The following AP2A2 variants were observed in gnomAD, a reference collection of about 807,000 sequenced individuals.
AP2A2 encodes the protein adaptor related protein complex 2 subunit alpha 2.
A neutral mutation model predicts 104.2 loss-of-function variants in AP2A2; 32 were observed. The observed-to-expected ratio is 0.31, with a 90% CI of 0.23 to 0.41. AP2A2 has a LOEUF of 0.41. Among genes scored for constraint, AP2A2 ranks in the 10% least tolerant of loss-of-function variants. The pLI is 1.00. For missense variants in AP2A2, 912 were observed against 1,261.0 expected (o/e 0.72, Z 4.19); for synonymous variants, 539 against 533.3 (o/e 1.01, Z -0.15).
Position 992,379 on chromosome 11 carries a change from G to A in AP2A2, c.1270-124G>A. On this transcript the variant is annotated intron_variant, in intron 10 of 21. Transcript: ENST00000448903. The surrounding 1 kb of genome is among the most constrained non-coding windows in gnomAD (Gnocchi z 6.4). Reference sequence around the variant, plus strand: ...AGAATCGAGTTCAAGCTTCCTCCATGTCCCAAACTTTTGTAGACACATTGA... The same window carrying A: ...AGAATCGAGTTCAAGCTTCCTCCATATCCCAAACTTTTGTAGACACATTGA... 4.0e-6 allele frequency: 4 copies of A among 990,744 alleles called. No individual in the cohort carries two copies. The highest frequency in any genetic ancestry group is 6.1e-6 in the Non-Finnish European group (4 of 653,862). 61.4% of individuals were successfully genotyped at this position (990,744 alleles called of 1,614,324 possible). A position where few individuals can be genotyped will look rare whatever the true frequency, so the allele number is the denominator to read the frequency against.
chr11:1,010,709 C>T lies in AP2A2; in HGVS notation c.*84C>T, dbSNP rs909729144. 4.4e-6 allele frequency: 5 copies of T among 1,148,928 alleles called. No individual in the cohort carries two copies. The highest frequency in any genetic ancestry group is 6.4e-6 in the Non-Finnish European group (5 of 782,026). The allele number at this position is 1,148,928 out of a possible 1,614,324, so 71.2% of individuals were successfully genotyped here. On this transcript the variant is annotated 3_prime_UTR_variant, in exon 22 of 22. Transcript: ENST00000448903. The stretch of plus-strand genomic sequence containing the variant: ...TCTTCGTGGCCATCCTGCAGATGAG[C>T]ACCGTGTCCAGTGCCACAGCACAAG...
At chr11:930,544 G>T (rs923849050) in intron 1 of AP2A2, among the ~76,000 whole-genome samples, 1 of 150,328 alleles carries the variant, frequency 6.7e-6, no homozygotes, top group African/African-American at 2.5e-5. Context: ...TTTTTGAGAC[G>T]GAGTTGCGCT....
intron 2 of AP2A2, among the ~76,000 whole-genome samples, chr11:967,729 A>C (rs1377716761): frequency 6.6e-6 from 1 of 152,132 alleles, no homozygotes; most frequent in East Asian, 1.9e-4. Context: ...GTCTGAGACC[A>C]CAAGACAAGC....
chr11:1,001,697 G>A (rs2133772427), intron 15 of AP2A2, among the ~76,000 whole-genome samples: 1 of 152,226 alleles, frequency 6.6e-6, no homozygotes, highest in East Asian at 1.9e-4. Context: ...CTCTGGTGGT[G>A]GCTGCTCCTC....
intron 16 of AP2A2, 37 bp from the exon 17 acceptor site, chr11:1,006,491 A>G: frequency 7.0e-7 from 1 of 1,420,660 alleles, no homozygotes; most frequent in East Asian, 2.3e-5. Flanking sequence ...TAAGTGTGAA[A>G]TGGTGTGTGT....
chr11:966,064 A>C (rs1369360296), intron 2 of AP2A2, among the ~76,000 whole-genome samples: 1 of 152,158 alleles, frequency 6.6e-6, no homozygotes, highest in African/African-American at 2.4e-5. Context: ...TCACAAATTC[A>C]TGGCCTCAGG....
At position 992,827 on chromosome 11, in the gene AP2A2, A is replaced by G; in HGVS notation, c.1452+142A>G. On this transcript the variant is annotated intron_variant, in intron 11 of 21. Transcript: ENST00000448903. This position sits in a 1 kb window ranked among gnomAD's most constrained non-coding sequence, Gnocchi z 6.4. ...CCCCTCAGCTCTTCCCTGAGGCTCT[A>G]GCTCCTCCACTGTTGGTGCCCCTTG... 1.2e-6 allele frequency: 1 copy of G among 848,434 alleles called. No individual in the cohort carries two copies. Among genetic ancestry groups the G allele is most frequent in the Non-Finnish European group, 1.9e-6 (1 of 530,878 alleles). 52.6% of individuals were successfully genotyped at this position (848,434 alleles called of 1,614,324 possible). A position where few individuals can be genotyped will look rare whatever the true frequency, so the allele number is the denominator to read the frequency against.
chr11:941,007 A>C, intron 1 of AP2A2: 2 of 436,724 alleles, frequency 4.6e-6, no homozygotes, highest in South Asian at 1.6e-5. Flanking sequence ...CTTGCTCCAC[A>C]CTCCGTGGAG....
intron 2 of AP2A2, among the ~76,000 whole-genome samples, chr11:962,089 G>A (rs1854461421): frequency 6.6e-6 from 1 of 152,256 alleles, no homozygotes; most frequent in African/African-American, 2.4e-5. Context: ...GCTGGAGGTG[G>A]TGGCACTGGG....
chr11:951,681 C>T (rs778391402), intron 1 of AP2A2, among the ~76,000 whole-genome samples: 5 of 152,140 alleles, frequency 3.3e-5, no homozygotes, highest in Admixed American at 2.0e-4. Context: ...AGGCAGGTTG[C>T]GGTTAAGTTG....
At chr11:948,195 A>C (rs1397772102) in intron 1 of AP2A2, among the ~76,000 whole-genome samples, 4 of 152,218 alleles carry the variant, frequency 2.6e-5, no homozygotes, top group Non-Finnish European at 5.9e-5. Flanking sequence ...AAGATCATCA[A>C]AATTGGCAAA....
chr11:1,009,277 G>A lies in AP2A2; in HGVS notation c.2538-51G>A, dbSNP rs965987653. 9.3e-6 allele frequency: 15 copies of A among 1,610,330 alleles called. No homozygotes were observed. The African/African-American group carries it at 1.5e-4, about 16-fold the overall frequency. On this transcript the variant is annotated intron_variant, in intron 19 of 21. Coordinates refer to ENST00000448903, the MANE Select transcript of AP2A2 (RefSeq NM_012305.4). Reference sequence around the variant, plus strand: ...GGACGGGGCTCATTTGAAAAGGTGGGTTTTGGTCTCTGGCCTGGCTGAGAA... The same window carrying A: ...GGACGGGGCTCATTTGAAAAGGTGGATTTTGGTCTCTGGCCTGGCTGAGAA...
intron 4 of AP2A2, among the ~76,000 whole-genome samples, chr11:973,488 G>A (rs763479078): frequency 6.6e-5 from 10 of 152,166 alleles, no homozygotes; most frequent in Non-Finnish European, 1.0e-4. Context: ...ATTCAGAAGC[G>A]CAAGAGCTCA....
chr11:978,548 A>C (rs1455889388), intron 5 of AP2A2, among the ~76,000 whole-genome samples: 2 of 151,852 alleles, frequency 1.3e-5, no homozygotes, highest in Non-Finnish European at 2.9e-5. Flanking sequence ...GGCAACGGAA[A>C]CTCATCCTGA....
At chr11:972,896 C>G (rs1417086509) in intron 4 of AP2A2, among the ~76,000 whole-genome samples, 1 of 152,242 alleles carries the variant, frequency 6.6e-6, no homozygotes, top group Non-Finnish European at 1.5e-5. Context: ...GGGCTTCACG[C>G]GGAGAAGCCG....
chr11:993,679 T>TC lies in AP2A2; in HGVS notation c.1551-66dup, dbSNP rs144840661. On this transcript the variant is annotated intron_variant, in intron 12 of 21. Coordinates refer to ENST00000448903, the MANE Select transcript of AP2A2 (RefSeq NM_012305.4). This position sits in a 1 kb window ranked among gnomAD's most constrained non-coding sequence, Gnocchi z 8.2. Reference sequence around the variant, plus strand: ...TGCAGGCCAGGGGGTCTCGCCGCCGTCCCCCCCCCGCGGGGGCGTGCTGCA... The same window carrying TC: ...TGCAGGCCAGGGGGTCTCGCCGCCGTCCCCCCCCCCGCGGGGGCGTGCTGCA... The TC allele has an allele frequency of 3.3e-3, 3,655 of 1,111,342 alleles. 2 individuals are homozygous for TC. The highest frequency in any genetic ancestry group is 3.6e-3 in the East Asian group (128 of 35,254). The allele number at this position is 1,111,342 out of a possible 1,614,324, so 68.8% of individuals were successfully genotyped here.
At chr11:1,006,877 C>A in intron 17 of AP2A2, 1 of 468,762 alleles carries the variant, frequency 2.1e-6, no homozygotes, top group Non-Finnish European at 3.8e-6. Context: ...TCCATCTGGC[C>A]AGTGTGAGTC....
chr11:939,725 G>A (rs1029649018), intron 1 of AP2A2, among the ~76,000 whole-genome samples: 11 of 152,042 alleles, frequency 7.2e-5, no homozygotes, highest in Non-Finnish European at 1.6e-4. Flanking sequence ...GATTACAGGC[G>A]TGAGCCACCG....
At chr11:1,008,159 G>A in intron 18 of AP2A2, 24 bp downstream of exon 18, 1 of 1,579,108 alleles carries the variant, frequency 6.3e-7, no homozygotes, top group Non-Finnish European at 8.6e-7. Flanking sequence ...GTGCGCCCCG[G>A]GCCAAGGGGT....
Sources: gnomAD v4.1 joint callset for allele counts (sites outside exome capture counted in the v4.1 genomes callset) on GRCh38, gnomAD v4.1.1 for gene constraint, Gnocchi (gnomAD v3.1) non-coding constraint, MANE v1.5 for transcripts, NCBI Gene and HGNC (gene_info 2026-07-23, HGNC 2026-07-21) for gene names.